Variants in SLC41A3 observed in about 807,000 individuals in gnomAD.
The protein encoded by SLC41A3 is SLC41A1-like 2.
In SLC41A3, 44 loss-of-function variants were observed where a neutral mutation model predicts 45.4. The ratio of observed to expected loss-of-function variants is 0.97; its 90% CI spans 0.76 to 1.25. The LOEUF (loss-of-function observed/expected upper bound fraction) is 1.25, where lower values mean the gene tolerates loss of function less well. Among genes scored for constraint, SLC41A3 ranks in the 50% most tolerant of loss-of-function variants. SLC41A3 has a pLI of 0.00. For missense variants in SLC41A3, 550 were observed against 600.6 expected (o/e 0.92, Z 0.88); for synonymous variants, 256 against 252.4 (o/e 1.01, Z -0.13).
chr3:126,035,792 C>A (rs541112408), intron 3 of SLC41A3, among the ~76,000 whole-genome samples: 1 of 152,140 alleles, frequency 6.6e-6, no homozygotes, highest in Admixed American at 6.5e-5. Flanking sequence ...CTCAGAGGAG[C>A]CTGACTTGGG....
chr3:126,064,583 G>A (rs1297917945), intron 2 of SLC41A3, among the ~76,000 whole-genome samples: 1 of 152,072 alleles, frequency 6.6e-6, no homozygotes, highest in Non-Finnish European at 1.5e-5. Context: ...CTCACCAGCA[G>A]AGTAAAGAGG....
chr3:126,023,177 T>C, intron 5 of SLC41A3: 1 of 522,390 alleles, frequency 1.9e-6, no homozygotes. Flanking sequence ...CTTTGTGACC[T>C]GTGCACATGA....
chr3:126,094,557 C>T (rs753326369), intron 1 of SLC41A3, among the ~76,000 whole-genome samples: 16 of 152,204 alleles, frequency 1.1e-4, no homozygotes, highest in Admixed American at 6.5e-5. Flanking sequence ...ACATTACAGC[C>T]AGGATTGTCT....
intron 6 of SLC41A3, among the ~76,000 whole-genome samples, chr3:126,021,000 T>C (rs1940815506): frequency 6.6e-6 from 1 of 151,330 alleles, no homozygotes; most frequent in African/African-American, 2.4e-5. Flanking sequence ...GTTCACGCCA[T>C]TCTCCTGCCT....
intron 10 of SLC41A3, among the ~76,000 whole-genome samples, chr3:126,008,523 GTGT>G (rs1466911466): frequency 6.6e-6 from 1 of 151,960 alleles, no homozygotes; most frequent in African/African-American, 2.4e-5. Context: ...GCGCTGTGTG[GTGT>G]GGAGTGTGTG....
chr3:126,025,745 C>T (rs1941284481), intron 5 of SLC41A3: 1 of 152,958 alleles, frequency 6.5e-6, no homozygotes, highest in Non-Finnish European at 1.5e-5. Flanking sequence ...CCCAGCCCCG[C>T]AGACGCCCAA....
intron 1 of SLC41A3, among the ~76,000 whole-genome samples, chr3:126,077,715 G>A (rs978308230): frequency 3.3e-5 from 5 of 152,240 alleles, no homozygotes; most frequent in Admixed American, 2.6e-4. Context: ...GGATTCAGGA[G>A]GAGCTGACGG....
At chr3:126,082,281 G>C (rs890736756) in intron 1 of SLC41A3, among the ~76,000 whole-genome samples, 1 of 152,244 alleles carries the variant, frequency 6.6e-6, no homozygotes, top group Non-Finnish European at 1.5e-5. Context: ...CAGAGCCCCA[G>C]GGAGGAGCCA....
At chr3:126,048,669 G>A (rs1943122278) in intron 3 of SLC41A3, among the ~76,000 whole-genome samples, 2 of 152,142 alleles carry the variant, frequency 1.3e-5, no homozygotes, top group South Asian at 2.1e-4. Context: ...TGCACTAAGA[G>A]TATCTTTGTA....
At position 126,016,741 on chromosome 3, in the gene SLC41A3, C is replaced by A; in HGVS notation, c.880G>T (p.Val294Phe). The A allele has an allele frequency of 6.2e-7, 1 of 1,609,812 alleles. No homozygotes were observed. Among genetic ancestry groups the A allele is most frequent in the Non-Finnish European group, 8.5e-7 (1 of 1,178,446 alleles). ...CTGGCTCCTGCTCACCTGCTGATGA[C>A]CATGGCCAGGATGATTGGGAACCAG... ...FGWFPIILAM[V>F]ISSFGGLILS... is the part of the protein sequence containing the mutation. The change falls in exon 7 of 11, where the codon GTC (valine) becomes TTC (phenylalanine). Residue 294 changes from valine (V) to phenylalanine (F), a missense_variant. Physicochemically the swap from Val to Phe is conservative, Grantham distance 50. Transcript: ENST00000360370.
At chr3:126,073,834 T>C (rs1395036294) in intron 1 of SLC41A3, among the ~76,000 whole-genome samples, 1 of 151,986 alleles carries the variant, frequency 6.6e-6, no homozygotes, top group Non-Finnish European at 1.5e-5. Flanking sequence ...CAACAACAAA[T>C]TGGAGAAGGG....
intron 3 of SLC41A3, among the ~76,000 whole-genome samples, chr3:126,041,889 A>T (rs1426604391): frequency 1.3e-5 from 2 of 152,192 alleles, no homozygotes; most frequent in Non-Finnish European, 2.9e-5. Flanking sequence ...ACCAAGAGAA[A>T]ATCCAACCAA....
intron 9 of SLC41A3, among the ~76,000 whole-genome samples, chr3:126,010,014 C>T (rs1041776005): frequency 1.3e-5 from 2 of 152,232 alleles, no homozygotes; most frequent in Non-Finnish European, 2.9e-5. Context: ...GTATATAAAA[C>T]AAACGTAAGC....
intron 10 of SLC41A3, among the ~76,000 whole-genome samples, chr3:126,007,767 G>T (rs1939249720): frequency 6.6e-6 from 1 of 152,048 alleles, no homozygotes; most frequent in Non-Finnish European, 1.5e-5. Flanking sequence ...TACCCTTTAG[G>T]GTCAGGAACA....
At chr3:126,007,287 A>G in intron 10 of SLC41A3, 62 bp from the exon 11 acceptor site, 1 of 1,555,056 alleles carries the variant, frequency 6.4e-7, no homozygotes, top group Non-Finnish European at 8.8e-7. Flanking sequence ...ACAGGCAGGA[A>G]GCACTAGCTG....
Position 126,033,838 on chromosome 3 carries a change from CCTT to C in SLC41A3, c.382-163_382-161del, listed in dbSNP as rs780029412. Among the ~76,000 whole-genome samples the C allele has an allele frequency of 2.0e-5, 3 of 151,914 alleles. No individual in the cohort carries two copies. In the Middle Eastern group the frequency reaches 9.6e-3, roughly 484 times the overall value. ...CTCAGCTCTCCAAACAGCGACCTGG[CCTT>C]CTTATACGGGGAGTGGGGAGAAACG... is the stretch of plus-strand genomic sequence containing the variant. On this transcript the variant is annotated intron_variant, in intron 3 of 10. Coordinates refer to ENST00000360370, the MANE Select transcript of SLC41A3 (RefSeq NM_017836.4).
intron 4 of SLC41A3, among the ~76,000 whole-genome samples, chr3:126,028,302 C>G (rs1941526145): frequency 6.6e-6 from 1 of 150,450 alleles, no homozygotes; most frequent in South Asian, 2.1e-4. Context: ...CTGCCCTGCA[C>G]AGCCTCAGGA....
rs1258889546 is a variant in SLC41A3, at chr3:126,059,298, G to GA, written c.274-8249dup. ...AGAAAGAAAGAAAGAAAGAAAGAAA[G>GA]AAAGAAAGAAAGGAAGGATGATCTG... On this transcript the variant is annotated intron_variant, in intron 2 of 10. Transcript: ENST00000360370. Among the ~76,000 whole-genome samples, 579 of 126,792 alleles carry GA rather than the reference G, an allele frequency of 4.6e-3. 8 individuals are homozygous for GA. The highest frequency in any genetic ancestry group is 8.2e-3 in the Middle Eastern group (2 of 244). The allele number at this position is 126,792 out of a possible 152,430, so 83.2% of individuals were successfully genotyped here. A position where few individuals can be genotyped will look rare whatever the true frequency, so the allele number is the denominator to read the frequency against.
intron 4 of SLC41A3, among the ~76,000 whole-genome samples, chr3:126,030,505 G>A (rs1941719643): frequency 6.6e-6 from 1 of 152,150 alleles, no homozygotes; most frequent in Non-Finnish European, 1.5e-5. Context: ...AACAGCTGAT[G>A]CTGTTCTTCC....
Sources: allele counts gnomAD v4.1 joint callset (sites outside exome capture counted in the v4.1 genomes callset), GRCh38; gene constraint gnomAD v4.1.1; transcripts MANE v1.5; gene names NCBI Gene and HGNC (gene_info 2026-07-23, HGNC 2026-07-21).